Variants in CRB1 observed in about 807,000 individuals in gnomAD.
CRB1 encodes protein crumbs homolog 1.
CRB1 carries 83 observed loss-of-function variants against 120.0 expected under a neutral mutation model. That is an observed-to-expected ratio of 0.69 (90% confidence interval 0.58 to 0.83). The LOEUF is 0.83. Ranked by LOEUF, CRB1 falls within the 40% of genes least tolerant of loss-of-function variation. The pLI, the probability that CRB1 is intolerant of heterozygous loss-of-function variation, is 0.00. For missense variants in CRB1, 1,699 were observed against 1,687.6 expected (o/e 1.01, Z -0.12); for synonymous variants, 625 against 612.5 (o/e 1.02, Z -0.30).
chr1:197,450,957 CAAAAAAAAAAA>C (rs11288525), intron 11 of CRB1, among the ~76,000 whole-genome samples: 5 of 56,636 alleles, frequency 8.8e-5, no homozygotes, highest in Admixed American at 2.8e-4. Flanking sequence ...GACTCCGTCC[CAAAAAAAAAAA>C]AAAAAAAAAA....
In CRB1 at chr1:197,268,330, C is replaced by A. The variant is rs1198266792; in HGVS notation, c.-83C>A. ...CCTGGGGGTTCTGAGGCACCCGCTCCTCTCTGAGACAGACAGGGATCAGGA... is the reference window on the plus strand; with the variant it reads ...CCTGGGGGTTCTGAGGCACCCGCTCATCTCTGAGACAGACAGGGATCAGGA... On this transcript the variant is annotated 5_prime_UTR_variant, in exon 1 of 12. Coordinates refer to ENST00000367400, the MANE Select transcript of CRB1 (RefSeq NM_201253.3). 9.8e-7 allele frequency: 1 copy of A among 1,017,812 alleles called. No homozygotes were observed. Among genetic ancestry groups the A allele is most frequent in the Non-Finnish European group, 1.6e-6 (1 of 636,766 alleles). The allele number at this position is 1,017,812 out of a possible 1,614,324, so 63.0% of individuals were successfully genotyped here.
At chr1:197,394,224 G>A (rs531434746) in intron 5 of CRB1, among the ~76,000 whole-genome samples, 2 of 152,202 alleles carry the variant, frequency 1.3e-5, no homozygotes, top group South Asian at 4.1e-4. Flanking sequence ...CCTCTATGAT[G>A]ATCCACTTTC....
chr1:197,256,508 T>A, the CRB1 span, among the ~76,000 whole-genome samples: 1 of 152,148 alleles, frequency 6.6e-6, no homozygotes, highest in East Asian at 1.9e-4. Context: ...TATATGTACT[T>A]ATATGTTTAA....
rs1196273375 is a variant in CRB1 at position 197,406,662 on chromosome 1, G to A, written c.1172-14338G>A. On this transcript the variant is annotated intron_variant, in intron 5 of 11. Coordinates refer to ENST00000367400, the MANE Select transcript of CRB1 (RefSeq NM_201253.3). ...AGAATTTATATTTACAAAATGAATG[G>A]ATCTCTAACATAAATTTAACATTTC... Among the ~76,000 whole-genome samples, 4 of 151,972 alleles carry A rather than the reference G, an allele frequency of 2.6e-5. No homozygotes were observed. In the East Asian group the frequency reaches 5.8e-4, roughly 22 times the overall value.
chr1:197,438,435 C>T (rs1362102076), intron 9 of CRB1, 112 bp from the exon 10 acceptor site: 1 of 1,319,016 alleles, frequency 7.6e-7, no homozygotes, highest in Non-Finnish European at 1.1e-6. Context: ...GCTCCTCCAG[C>T]CTGAGTACTT....
chr1:197,310,479 G>T (rs369262735), intron 1 of CRB1, among the ~76,000 whole-genome samples: 11 of 152,238 alleles, frequency 7.2e-5, no homozygotes, highest in African/African-American at 2.6e-4. Flanking sequence ...GAAAAGGAAC[G>T]TCAAGGTAAG....
the CRB1 span, among the ~76,000 whole-genome samples, chr1:197,205,276 A>G: frequency 3.3e-5 from 5 of 152,146 alleles, no homozygotes; most frequent in Non-Finnish European, 5.9e-5. Flanking sequence ...TCAGACTTCC[A>G]GTACTGTGTT....
chr1:197,423,635 G>C (rs1310532695), intron 6 of CRB1, among the ~76,000 whole-genome samples: 2 of 152,146 alleles, frequency 1.3e-5, no homozygotes, highest in East Asian at 3.8e-4. Flanking sequence ...AGAACATGGA[G>C]TCTTTCTGCT....
At chr1:197,349,829 G>A (rs1026719188) in intron 4 of CRB1, among the ~76,000 whole-genome samples, 9 of 152,056 alleles carry the variant, frequency 5.9e-5, no homozygotes, top group East Asian at 3.9e-4. Flanking sequence ...GGCTGGGCGC[G>A]GTGGCTCACG....
rs118038037 is a variant in CRB1, at chr1:197,363,830, T to C, written c.1171+6817T>C. 6.3e-3 allele frequency: 5,121 copies of C among 811,812 alleles called. 101 individuals carry two copies. The highest frequency in any genetic ancestry group is 0.055 in the East Asian group (2,238 of 40,404). The allele number at this position is 811,812 out of a possible 1,614,324, so 50.3% of individuals were successfully genotyped here. A position where few individuals can be genotyped will look rare whatever the true frequency, so the allele number is the denominator to read the frequency against. ...AAACCCAAGTTCATGGCAAAACATC[T>C]GAAGTTCATCACCAGGACTGTGATG... On this transcript the variant is annotated intron_variant, in intron 5 of 11. Coordinates refer to ENST00000367400, the MANE Select transcript of CRB1 (RefSeq NM_201253.3).
At chr1:197,274,124 A>G (rs1459588328) in intron 1 of CRB1, among the ~76,000 whole-genome samples, 1 of 152,082 alleles carries the variant, frequency 6.6e-6, no homozygotes, top group Non-Finnish European at 1.5e-5. Context: ...CACATGGATC[A>G]TTCTAGCTGT....
intron 4 of CRB1, among the ~76,000 whole-genome samples, chr1:197,355,677 C>G (rs1308899497): frequency 6.6e-6 from 1 of 152,202 alleles, no homozygotes; most frequent in Non-Finnish European, 1.5e-5. Context: ...CGGCGCCCAC[C>G]GGCCGCTCTG....
chr1:197,431,615 A>G (rs1355137128), intron 8 of CRB1, among the ~76,000 whole-genome samples: 2 of 152,198 alleles, frequency 1.3e-5, no homozygotes, highest in African/African-American at 4.8e-5. Context: ...GCCCCAAAAC[A>G]GTATGCACAC....
At chr1:197,230,981 T>C in the CRB1 span, among the ~76,000 whole-genome samples, 1 of 152,312 alleles carries the variant, frequency 6.6e-6, no homozygotes, top group South Asian at 2.1e-4. Flanking sequence ...AATGCTCAAA[T>C]ATAAGGCACA....
intron 5 of CRB1, chr1:197,357,572 G>T: frequency 6.1e-6 from 1 of 163,762 alleles, no homozygotes; most frequent in Non-Finnish European, 1.3e-5. Flanking sequence ...TTTCTGTTCT[G>T]AAAATTTTCA....
chr1:197,223,021 C>A, the CRB1 span: 2 of 789,648 alleles, frequency 2.5e-6, no homozygotes, highest in Non-Finnish European at 4.7e-6. Context: ...CATTTGACAC[C>A]TCCCTTATGA....
chr1:197,282,659 G>A (rs924993744), intron 1 of CRB1, among the ~76,000 whole-genome samples: 6 of 151,704 alleles, frequency 4.0e-5, no homozygotes, highest in Admixed American at 2.0e-4. Context: ...CTTAAGAAAC[G>A]CACACATATA....
the CRB1 span, chr1:197,222,388 G>T: frequency 1.3e-6 from 1 of 765,042 alleles, no homozygotes; most frequent in Non-Finnish European, 2.4e-6. Context: ...AACCTTTCTT[G>T]GCCAGGACTT....
At chr1:197,399,955 C>G (rs778342805) in intron 5 of CRB1, among the ~76,000 whole-genome samples, 1 of 152,146 alleles carries the variant, frequency 6.6e-6, no homozygotes, top group South Asian at 2.1e-4. Flanking sequence ...ATCTCACGAC[C>G]TTTGCCATAT....
Sources: gnomAD v4.1 joint callset for allele counts (sites outside exome capture counted in the v4.1 genomes callset) on GRCh38, gnomAD v4.1.1 for gene constraint, MANE v1.5 for transcripts, NCBI Gene and HGNC (gene_info 2026-07-23, HGNC 2026-07-21) for gene names.